FLT1: variants seen among roughly 807,000 people sequenced by gnomAD.
FLT1 encodes the protein vascular endothelial growth factor receptor 1.
In FLT1, 49 loss-of-function variants were observed where a neutral mutation model predicts 156.3. The ratio of observed to expected loss-of-function variants is 0.31; its 90% CI spans 0.25 to 0.40. The LOEUF (loss-of-function observed/expected upper bound fraction) is 0.40. Among genes scored for constraint, FLT1 ranks in the 10% least tolerant of loss-of-function variants. FLT1 has a pLI of 1.00. For synonymous variants in FLT1, 594 were observed against 583.8 expected (o/e 1.02, Z -0.25); for missense variants, 1,322 against 1,637.2 (o/e 0.81, Z 3.32).
intron 10 of FLT1, among the ~76,000 whole-genome samples, chr13:28,420,128 A>G (rs1876916544): frequency 6.6e-6 from 1 of 152,206 alleles, no homozygotes; most frequent in Non-Finnish European, 1.5e-5. Flanking sequence ...CTTTGTATGA[A>G]ATATTAATAA....
chr13:28,330,540 G>C (rs1871882986), intron 18 of FLT1, among the ~76,000 whole-genome samples: 1 of 149,224 alleles, frequency 6.7e-6, no homozygotes, highest in Non-Finnish European at 1.5e-5. Context: ...TTAATAGTTT[G>C]GTGTTCAGAC....
intron 11 of FLT1, 57 bp downstream of exon 11, chr13:28,405,723 G>C (rs1050724799): frequency 8.3e-6 from 8 of 965,130 alleles, no homozygotes; most frequent in Non-Finnish European, 5.1e-6. Flanking sequence ...CTAGAATTGG[G>C]AGCTGAGAGT....
At chr13:28,369,780 C>T (rs1283247609) in intron 14 of FLT1, among the ~76,000 whole-genome samples, 1 of 152,160 alleles carries the variant, frequency 6.6e-6, no homozygotes, top group Non-Finnish European at 1.5e-5. Flanking sequence ...TGTTGCAAAA[C>T]ATAGCGTCTA....
chr13:28,345,961 T>TAAA (rs575637976), intron 15 of FLT1: 2 of 123,346 alleles, frequency 1.6e-5, no homozygotes, highest in Admixed American at 8.1e-5. Context: ...GAGGAAATTC[T>TAAA]AAAAAAAAAA....
At chr13:28,332,669 C>T (rs969722753) in intron 18 of FLT1, among the ~76,000 whole-genome samples, 2 of 152,194 alleles carry the variant, frequency 1.3e-5, no homozygotes, top group African/African-American at 2.4e-5. Flanking sequence ...CCCTTACTTA[C>T]GCTGAGCAGC....
intron 17 of FLT1, 49 bp from the exon 18 acceptor site, chr13:28,334,178 GT>G (rs745885301): frequency 7.0e-5 from 86 of 1,231,008 alleles, no homozygotes; most frequent in Middle Eastern, 3.7e-4. Flanking sequence ...AATAGGGTGA[GT>G]TTAAGTCTTT....
intron 15 of FLT1, among the ~76,000 whole-genome samples, chr13:28,350,935 C>T (rs567156845): frequency 2.1e-4 from 32 of 151,514 alleles, no homozygotes; most frequent in Admixed American, 6.6e-4. Context: ...TTCCTTCTTT[C>T]CTTTCTCTCT....
intron 1 of FLT1, among the ~76,000 whole-genome samples, chr13:28,477,624 A>C (rs1396653954): frequency 6.6e-6 from 1 of 152,110 alleles, no homozygotes; most frequent in Non-Finnish European, 1.5e-5. Flanking sequence ...CACTCTTTAC[A>C]CCCTAAAAAT....
At chr13:28,465,600 T>C (rs1363860400) in intron 3 of FLT1, among the ~76,000 whole-genome samples, 1 of 152,100 alleles carries the variant, frequency 6.6e-6, no homozygotes, top group African/African-American at 2.4e-5. Flanking sequence ...CCCAACACTT[T>C]GGGAGGCCGA....
Position 28,322,447 on chromosome 13 carries a change from A to G in FLT1, c.2954-88T>C. The G allele has an allele frequency of 1.1e-6, 1 of 883,322 alleles. No homozygotes were observed. The highest frequency in any genetic ancestry group is 1.9e-6 in the Non-Finnish European group (1 of 529,378). 54.7% of individuals were successfully genotyped at this position (883,322 alleles called of 1,614,324 possible). On this transcript the variant is annotated intron_variant, in intron 21 of 29. Coordinates refer to ENST00000282397, the MANE Select transcript of FLT1 (RefSeq NM_002019.4). The surrounding 1 kb of genome is among the most constrained non-coding windows in gnomAD (Gnocchi z 4.3). The stretch of plus-strand genomic sequence containing the variant: ...TATTGGAACAATGTTAGCAAAACAT[A>G]AAACAAACCAACAAGTAGATCAGAG...
At chr13:28,421,968 A>G (rs1179985626) in intron 10 of FLT1, among the ~76,000 whole-genome samples, 2 of 152,246 alleles carry the variant, frequency 1.3e-5, no homozygotes, top group African/African-American at 2.4e-5. Context: ...CCAATTCTCT[A>G]TCCTTGGGAG....
At chr13:28,336,327 C>T (rs977582893) in intron 17 of FLT1, among the ~76,000 whole-genome samples, 2 of 152,224 alleles carry the variant, frequency 1.3e-5, no homozygotes, top group African/African-American at 4.8e-5. Flanking sequence ...CCTTAATCAT[C>T]TGATGTGTTG....
intron 11 of FLT1, among the ~76,000 whole-genome samples, chr13:28,402,363 T>G (rs772001474): frequency 2.0e-5 from 3 of 152,112 alleles, no homozygotes; most frequent in Non-Finnish European, 4.4e-5. Flanking sequence ...TGCATATAAT[T>G]CAGAAACAGC....
intron 15 of FLT1, among the ~76,000 whole-genome samples, chr13:28,353,434 G>T (rs971247945): frequency 6.6e-6 from 1 of 151,936 alleles, no homozygotes; most frequent in Non-Finnish European, 1.5e-5. Context: ...TTAGCCAGGC[G>T]TGGTGGCACA....
chr13:28,303,343 C>T lies in FLT1; in HGVS notation c.3841G>A (p.Glu1281Lys). Residue 1281 changes from glutamate (E) to lysine (K), a missense_variant, in exon 30 of 30, where the codon GAG becomes AAG. This residue lies in a region of FLT1 where 329 missense variants were observed against 366.2 expected (regional missense o/e 0.90). Coordinates refer to ENST00000282397, the MANE Select transcript of FLT1 (RefSeq NM_002019.4). ...IDLRVTSKSKESGLSDVSRPS... is the reference protein window; with the variant it reads ...IDLRVTSKSKKSGLSDVSRPS... ...CTGCTGACATCAGACAGCCCCGACT[C>T]CTTACTTTTACTGGTTACTCTCAAG... The T allele has an allele frequency of 6.2e-7, 1 of 1,614,008 alleles. No individual in the cohort carries two copies. Among genetic ancestry groups the T allele is most frequent in the Non-Finnish European group, 8.5e-7 (1 of 1,179,996 alleles).
chr13:28,409,451 C>T (rs1876011000), intron 10 of FLT1, among the ~76,000 whole-genome samples: 1 of 151,824 alleles, frequency 6.6e-6, no homozygotes, highest in African/African-American at 2.4e-5. Context: ...CCTCCAACTT[C>T]AGCCTTCCGA....
chr13:28,371,375 T>C (rs1873559671), intron 14 of FLT1, among the ~76,000 whole-genome samples: 1 of 152,186 alleles, frequency 6.6e-6, no homozygotes, highest in Non-Finnish European at 1.5e-5. Flanking sequence ...TTGTACACCA[T>C]TCTGAGAAGC....
At chr13:28,456,598 C>A (rs915446341) in intron 3 of FLT1, among the ~76,000 whole-genome samples, 1 of 152,008 alleles carries the variant, frequency 6.6e-6, no homozygotes. Flanking sequence ...GAGCTCGAGA[C>A]CAGCCTGGCC....
intron 29 of FLT1, 135 bp from the exon 30 acceptor site, chr13:28,303,503 C>CCG (rs58958637): frequency 2.6e-6 from 2 of 760,088 alleles, no homozygotes; most frequent in South Asian, 1.6e-5. Context: ...CCCCCCCCCC[C>CCG]TCAATTGCTG....
Sources: gnomAD v4.1 joint callset for allele counts (sites outside exome capture counted in the v4.1 genomes callset) on GRCh38, gnomAD v4.1.1 for gene constraint, gnomAD v4.1.1 regional missense constraint, Gnocchi (gnomAD v3.1) non-coding constraint, MANE v1.5 for transcripts, NCBI Gene and HGNC (gene_info 2026-07-23, HGNC 2026-07-21) for gene names.